DPP10: variants seen among roughly 807,000 people sequenced by gnomAD.
The protein encoded by DPP10 is dipeptidyl peptidase like 10, also known as inactive dipeptidyl peptidase 10.
In DPP10, 33 loss-of-function variants were observed where a neutral mutation model predicts 120.9. The observed-to-expected ratio is 0.27, with a 90% CI of 0.21 to 0.37. DPP10 has a LOEUF of 0.37. Among genes scored for constraint, DPP10 ranks in the 10% least tolerant of loss-of-function variants. The pLI is 1.00. For missense variants in DPP10, 816 were observed against 942.8 expected, an observed-to-expected ratio of 0.87 and a Z score of 1.76; for synonymous variants, 337 against 326.1, an observed-to-expected ratio of 1.03 and a Z score of -0.36.
At chr2:114,920,748 C>T (rs1261243547) in intron 1 of DPP10, among the ~76,000 whole-genome samples, 1 of 152,102 alleles carries the variant, frequency 6.6e-6, no homozygotes, top group Non-Finnish European at 1.5e-5. Context: ...TCTGACCTCC[C>T]TTGTGGCTAA....
intron 1 of DPP10, among the ~76,000 whole-genome samples, chr2:114,538,000 C>T (rs1686651694): frequency 6.6e-6 from 1 of 152,178 alleles, no homozygotes; most frequent in South Asian, 2.1e-4. Flanking sequence ...ACTGGGAAAT[C>T]CCTTAACACT....
chr2:115,447,615 T>G (rs2104934306), intron 3 of DPP10, among the ~76,000 whole-genome samples: 1 of 152,282 alleles, frequency 6.6e-6, no homozygotes, highest in Non-Finnish European at 1.5e-5. Context: ...GAGAGAGTTC[T>G]CATAGGATCT....
At chr2:114,618,799 T>C (rs1486283084) in intron 1 of DPP10, among the ~76,000 whole-genome samples, 1 of 152,006 alleles carries the variant, frequency 6.6e-6, no homozygotes, top group African/African-American at 2.4e-5. Flanking sequence ...TATAAAATAA[T>C]GTAAAATATT....
intron 1 of DPP10, among the ~76,000 whole-genome samples, chr2:114,746,409 T>C (rs868663209): frequency 1.1e-4 from 16 of 152,342 alleles, no homozygotes; most frequent in Middle Eastern, 6.8e-3. Context: ...ATTTTTTCTT[T>C]CCTTCCTCTG....
intron 3 of DPP10, among the ~76,000 whole-genome samples, chr2:115,411,188 C>T (rs2068927731): frequency 3.3e-5 from 5 of 151,868 alleles, no homozygotes; most frequent in South Asian, 2.1e-4. Context: ...AAACATTAGC[C>T]GGGCATGGTG....
intron 1 of DPP10, among the ~76,000 whole-genome samples, chr2:114,500,478 A>T (rs1442976048): frequency 1.3e-5 from 2 of 152,250 alleles, no homozygotes; most frequent in Non-Finnish European, 2.9e-5. Flanking sequence ...ATTTGGAAGC[A>T]TTATACCAAA....
Position 114,846,067 on chromosome 2 carries a change from A to T in DPP10, c.60+403229A>T, listed in dbSNP as rs1453868837. 2.6e-5 allele frequency among the ~76,000 whole-genome samples: 4 copies of T among 152,070 alleles called. No homozygotes were observed. In the East Asian group the frequency reaches 5.8e-4, roughly 22 times the overall value. On this transcript the variant is annotated intron_variant, in intron 1 of 25. Transcript: ENST00000410059. ...ACAAGAAACAGGCTGTGCTAATAGA[A>T]CCAAGCTAGGGGATATTTCAATTCA...
chr2:114,774,057 A>G (rs1212175037), intron 1 of DPP10, among the ~76,000 whole-genome samples: 2 of 152,122 alleles, frequency 1.3e-5, no homozygotes. Context: ...TTGAATAGAA[A>G]TAGAAAGTGA....
intron 9 of DPP10, among the ~76,000 whole-genome samples, chr2:115,745,145 T>C (rs1188339136): frequency 6.6e-6 from 1 of 150,508 alleles, no homozygotes; most frequent in African/African-American, 2.4e-5. Flanking sequence ...AAGGCCATTG[T>C]GTTGGAACAA....
At chr2:114,924,931 G>T (rs1695488661) in intron 1 of DPP10, among the ~76,000 whole-genome samples, 1 of 152,178 alleles carries the variant, frequency 6.6e-6, no homozygotes, top group African/African-American at 2.4e-5. Context: ...ACATAGGTTG[G>T]CTGGGCACGG....
chr2:114,664,484 C>T (rs1374566646), intron 1 of DPP10, among the ~76,000 whole-genome samples: 1 of 151,792 alleles, frequency 6.6e-6, no homozygotes, highest in African/African-American at 2.4e-5. Context: ...CAAAACTTAG[C>T]CGGGTGTGGT....
chr2:115,023,396 C>G (rs1223444118), intron 1 of DPP10, among the ~76,000 whole-genome samples: 1 of 152,058 alleles, frequency 6.6e-6, no homozygotes, highest in African/African-American at 2.4e-5. Context: ...GAAAAATGCT[C>G]AATATCACTA....
chr2:114,711,113 G>A (rs1700999302), intron 1 of DPP10, among the ~76,000 whole-genome samples: 1 of 152,174 alleles, frequency 6.6e-6, no homozygotes, highest in South Asian at 2.1e-4. Context: ...GAAAAAGGCA[G>A]TTTTTGGATG....
intron 1 of DPP10, among the ~76,000 whole-genome samples, chr2:115,067,235 C>T: frequency 6.6e-6 from 1 of 151,790 alleles, no homozygotes; most frequent in African/African-American, 2.4e-5. Flanking sequence ...GACAGAATGT[C>T]CTTTTTTTTG....
At chr2:115,704,749 A>G (rs2092033172) in intron 7 of DPP10, among the ~76,000 whole-genome samples, 1 of 151,976 alleles carries the variant, frequency 6.6e-6, no homozygotes, top group East Asian at 1.9e-4. Flanking sequence ...CCATCATTAT[A>G]ATCTGGAACT....
At chr2:115,451,425 A>C (rs2073099514) in intron 3 of DPP10, among the ~76,000 whole-genome samples, 2 of 152,046 alleles carry the variant, frequency 1.3e-5, no homozygotes, top group Admixed American at 1.3e-4. Context: ...ATGTCTGCCA[A>C]GTGTTGCAGA....
At chr2:114,870,552 G>A (rs1690612833) in intron 1 of DPP10, among the ~76,000 whole-genome samples, 1 of 82,612 alleles carries the variant, frequency 1.2e-5, no homozygotes, top group Admixed American at 1.4e-4. Context: ...TAGAAAGGGG[G>A]AACTCTTGGC....
chr2:114,921,391 G>C (rs1421014210), intron 1 of DPP10, among the ~76,000 whole-genome samples: 2 of 152,092 alleles, frequency 1.3e-5, no homozygotes, highest in Non-Finnish European at 2.9e-5. Flanking sequence ...AAACACATGG[G>C]TAAAATTTTA....
chr2:115,644,105 T>G (rs1279358942), intron 5 of DPP10, among the ~76,000 whole-genome samples: 3 of 152,012 alleles, frequency 2.0e-5, no homozygotes, highest in African/African-American at 4.8e-5. Flanking sequence ...CATTTGTAAA[T>G]TAAAAAAACT....
Sources: allele counts gnomAD v4.1 joint callset (sites outside exome capture counted in the v4.1 genomes callset), GRCh38; gene constraint gnomAD v4.1.1; transcripts MANE v1.5; gene names NCBI Gene and HGNC (gene_info 2026-07-23, HGNC 2026-07-21).